The following PCDH15 variants were observed in gnomAD, a reference collection of about 807,000 sequenced individuals.
PCDH15 encodes protocadherin related 15.
In PCDH15, 129 loss-of-function variants were observed where a neutral mutation model predicts 178.5. That is an observed-to-expected ratio of 0.72 (90% CI 0.63 to 0.84). PCDH15 has a LOEUF of 0.84. Among genes scored for constraint, PCDH15 ranks in the 40% least tolerant of loss-of-function variants. PCDH15 has a pLI of 0.00. For missense variants in PCDH15, 2,230 were observed against 2,099.9 expected, an observed-to-expected ratio of 1.06 and a Z score of -1.21; for synonymous variants, 800 against 732.0, an observed-to-expected ratio of 1.09 and a Z score of -1.50.
intron 1 of PCDH15, among the ~76,000 whole-genome samples, chr10:54,693,408 ATATAT>A (rs1180189531): frequency 6.6e-6 from 1 of 152,210 alleles, no homozygotes; most frequent in East Asian, 1.9e-4. Context: ...TATCATGTTC[ATATAT>A]TAGATTAATA....
chr10:55,619,296 C>T (rs1843541120), intron 2 of PCDH15, among the ~76,000 whole-genome samples: 2 of 151,792 alleles, frequency 1.3e-5, no homozygotes, highest in African/African-American at 2.4e-5. Flanking sequence ...CATGTAAAAA[C>T]TGCATCAGAA....
At chr10:54,053,041 A>G (rs774559190) in intron 18 of PCDH15, among the ~76,000 whole-genome samples, 22 of 152,204 alleles carry the variant, frequency 1.4e-4, no homozygotes, top group Non-Finnish European at 3.1e-4. Context: ...CTGTGAGTTA[A>G]TTAAACCTCT....
chr10:53,843,685 C>A (rs1016393307), intron 28 of PCDH15, among the ~76,000 whole-genome samples: 1 of 151,918 alleles, frequency 6.6e-6, no homozygotes, highest in African/African-American at 2.4e-5. Context: ...CTCTCCCCAA[C>A]TTCGTGATAA....
At chr10:54,863,802 T>C (rs771714565) in intron 3 of PCDH15, among the ~76,000 whole-genome samples, 39 of 152,164 alleles carry the variant, frequency 2.6e-4, no homozygotes, top group Non-Finnish European at 2.1e-4. Context: ...GAACCGCCAG[T>C]CATAAGGAAA....
intron 3 of PCDH15, among the ~76,000 whole-genome samples, chr10:54,809,890 T>A (rs991791952): frequency 5.3e-5 from 8 of 152,182 alleles, no homozygotes; most frequent in African/African-American, 1.9e-4. Context: ...ATAGATAATT[T>A]TTCAGTCACC....
At chr10:53,876,422 G>A (rs928379374) in intron 26 of PCDH15, among the ~76,000 whole-genome samples, 3 of 152,034 alleles carry the variant, frequency 2.0e-5, no homozygotes, top group East Asian at 3.9e-4. Flanking sequence ...TCCTGACCTC[G>A]TGATCCACCC....
intron 1 of PCDH15, among the ~76,000 whole-genome samples, chr10:54,694,401 C>T (rs1029837376): frequency 1.1e-4 from 16 of 152,168 alleles, no homozygotes; most frequent in Admixed American, 1.0e-3. Context: ...TTTAGAAAAT[C>T]TATGGAATAA....
intron 2 of PCDH15, among the ~76,000 whole-genome samples, chr10:54,597,884 GAATA>G (rs2092319830): frequency 6.6e-6 from 1 of 152,044 alleles, no homozygotes; most frequent in Admixed American, 6.6e-5. Context: ...AGAAAATCTA[GAATA>G]AATGGATAAA....
intron 3 of PCDH15, among the ~76,000 whole-genome samples, chr10:54,817,368 A>G (rs1952964982): frequency 6.6e-6 from 1 of 152,024 alleles, no homozygotes; most frequent in African/African-American, 2.4e-5. Context: ...ATTCTAAGTT[A>G]ATTTTCTATT....
At chr10:54,010,022 CA>C (rs1230668365) in intron 20 of PCDH15, among the ~76,000 whole-genome samples, 3 of 152,176 alleles carry the variant, frequency 2.0e-5, no homozygotes, top group Non-Finnish European at 2.9e-5. Context: ...TTGCAGGCCT[CA>C]TCTCAGCTGC....
intron 1 of PCDH15, among the ~76,000 whole-genome samples, chr10:55,192,404 A>G (rs1360016921): frequency 1.3e-5 from 2 of 151,904 alleles, no homozygotes; most frequent in Admixed American, 1.3e-4. Context: ...CATATAAAAA[A>G]GTTATTTCTC....
intron 2 of PCDH15, among the ~76,000 whole-genome samples, chr10:54,558,296 C>A (rs554483515): frequency 8.0e-4 from 121 of 152,080 alleles, no homozygotes; most frequent in Non-Finnish European, 1.5e-3. Flanking sequence ...CATAAGCCAA[C>A]TAATTTTATT....
At chr10:54,719,406 G>A (rs914181854) in intron 1 of PCDH15, among the ~76,000 whole-genome samples, 3 of 151,970 alleles carry the variant, frequency 2.0e-5, no homozygotes, top group African/African-American at 7.2e-5. Context: ...GTATTCCAGA[G>A]GAAGATGAAG....
chr10:54,987,395 T>C (rs1839399104), intron 2 of PCDH15, among the ~76,000 whole-genome samples: 1 of 152,222 alleles, frequency 6.6e-6, no homozygotes, highest in African/African-American at 2.4e-5. Context: ...ACAGGATTGC[T>C]GGGTCAAATG....
At chr10:55,244,982 C>A (rs1043735671) in intron 1 of PCDH15, among the ~76,000 whole-genome samples, 1 of 151,916 alleles carries the variant, frequency 6.6e-6, no homozygotes, top group Non-Finnish European at 1.5e-5. Context: ...TTTCTGTCTT[C>A]TATTCTGAAG....
At chr10:55,570,230 C>A (rs1842382301) in intron 2 of PCDH15, among the ~76,000 whole-genome samples, 2 of 151,906 alleles carry the variant, frequency 1.3e-5, no homozygotes, top group African/African-American at 2.4e-5. Context: ...AAAGACCTGG[C>A]AGGTGAACAA....
intron 27 of PCDH15, among the ~76,000 whole-genome samples, chr10:53,860,724 C>CAAA (rs11345773): frequency 6.4e-5 from 5 of 78,068 alleles, no homozygotes; most frequent in East Asian, 4.3e-4. Context: ...GACTCTGTCT[C>CAAA]AAAAAAAAAA....
chr10:54,773,207 C>T (rs61199412), intron 1 of PCDH15, among the ~76,000 whole-genome samples: 6,054 of 152,144 alleles, frequency 0.04, 416 homozygotes, highest in African/African-American at 0.14. Context: ...ACACATTTAC[C>T]TATGTAACAA....
intron 2 of PCDH15, among the ~76,000 whole-genome samples, chr10:55,375,953 T>C (rs1182504646): frequency 6.6e-6 from 1 of 151,808 alleles, no homozygotes; most frequent in East Asian, 1.9e-4. Flanking sequence ...TAAATATGAG[T>C]GTTTATTTTA....
Sources: allele counts gnomAD v4.1 joint callset (sites outside exome capture counted in the v4.1 genomes callset), GRCh38; gene constraint gnomAD v4.1.1; transcripts MANE v1.5; gene names NCBI Gene and HGNC (gene_info 2026-07-23, HGNC 2026-07-21).